DMRT1: variants seen among roughly 807,000 people sequenced by gnomAD.
DMRT1 encodes the protein doublesex- and mab-3-related transcription factor 1.
Under a neutral mutation model 32.3 loss-of-function variants are expected in DMRT1, and 7 were observed. The ratio of observed to expected loss-of-function variants is 0.22; its 90% CI spans 0.12 to 0.41. DMRT1 has a LOEUF of 0.41. Among genes scored for constraint, DMRT1 ranks in the 10% least tolerant of loss-of-function variants. DMRT1 has a pLI of 1.00. For synonymous variants in DMRT1, 278 were observed against 206.1 expected, an observed-to-expected ratio of 1.35 and a Z score of -2.99; for missense variants, 625 against 500.5, an observed-to-expected ratio of 1.25 and a Z score of -2.37.
chr9:886,635 T>C (rs914460567), intron 2 of DMRT1, among the ~76,000 whole-genome samples: 11 of 152,128 alleles, frequency 7.2e-5, no homozygotes, highest in African/African-American at 2.4e-4. Context: ...AGCTTATTAA[T>C]TGTATGTGGA....
chr9:948,721 C>T (rs960928233), intron 4 of DMRT1, among the ~76,000 whole-genome samples: 2 of 152,018 alleles, frequency 1.3e-5, no homozygotes, highest in Non-Finnish European at 2.9e-5. Context: ...CAACACTTTA[C>T]TCCACCCAAT....
chr9:843,455 T>A (rs889373872), intron 1 of DMRT1, among the ~76,000 whole-genome samples: 6 of 152,252 alleles, frequency 3.9e-5, no homozygotes, highest in African/African-American at 1.2e-4. Context: ...ACTTTGAAGA[T>A]GTTTTAAAGC....
chr9:853,399 T>A (rs940369910), intron 2 of DMRT1, among the ~76,000 whole-genome samples: 10 of 152,162 alleles, frequency 6.6e-5, no homozygotes, highest in Non-Finnish European at 1.3e-4. Flanking sequence ...GTTATTTAAA[T>A]TTAAGATAAC....
chr9:869,546 A>G (rs1269295821), intron 2 of DMRT1, among the ~76,000 whole-genome samples: 1 of 152,102 alleles, frequency 6.6e-6, no homozygotes, highest in Admixed American at 6.6e-5. Flanking sequence ...CTTTTACTGT[A>G]AACTGTAATG....
chr9:931,560 G>C (rs1464053319), intron 4 of DMRT1, among the ~76,000 whole-genome samples: 1 of 152,184 alleles, frequency 6.6e-6, no homozygotes, highest in East Asian at 1.9e-4. Flanking sequence ...CTGGAGGCTG[G>C]AAGTCCAAGA....
intron 4 of DMRT1, among the ~76,000 whole-genome samples, chr9:917,193 T>G (rs967275955): frequency 6.6e-6 from 1 of 152,208 alleles, no homozygotes; most frequent in Non-Finnish European, 1.5e-5. Flanking sequence ...AGGATCAATA[T>G]GAAATACAGG....
chr9:851,350 C>A (rs963841930), intron 2 of DMRT1, among the ~76,000 whole-genome samples: 13 of 152,090 alleles, frequency 8.5e-5, no homozygotes, highest in Non-Finnish European at 1.8e-4. Flanking sequence ...ACGATTCTCT[C>A]ACCTCAGCCT....
At position 916,831 on chromosome 9, in the gene DMRT1, C is replaced by G; in HGVS notation, c.891C>G (p.Pro297=). 1 of 1,614,222 alleles carries G rather than the reference C, an allele frequency of 6.2e-7. No homozygotes were observed. The highest frequency in any genetic ancestry group is 8.5e-7 in the Non-Finnish European group (1 of 1,180,034). Reference sequence around the variant, plus strand: ...GGATGCATTCTTACTACCCGCCTCCCTCTTACCTGGGCCAGAGCGTGCCCC... The same window carrying G: ...GGATGCATTCTTACTACCCGCCTCCGTCTTACCTGGGCCAGAGCGTGCCCC... ...QYRMHSYYPP[P]SYLGQSVPQF... is the part of the protein sequence containing the mutation. The change falls in exon 4 of 5, where the codon CCC becomes CCG. Residue 297 remains proline (P), a synonymous_variant. Coordinates refer to ENST00000382276, the MANE Select transcript of DMRT1 (RefSeq NM_021951.3).
intron 2 of DMRT1, among the ~76,000 whole-genome samples, chr9:852,104 A>G (rs563532348): frequency 7.2e-5 from 11 of 151,734 alleles, no homozygotes; most frequent in African/African-American, 2.7e-4. Context: ...CACCCGTTTA[A>G]TTTTTGTATT....
chr9:922,791 G>A (rs1234624646), intron 4 of DMRT1, among the ~76,000 whole-genome samples: 1 of 152,126 alleles, frequency 6.6e-6, no homozygotes, highest in Non-Finnish European at 1.5e-5. Context: ...CATTTAAGGT[G>A]GTGCTTACAG....
Position 862,427 on chromosome 9 carries a change from C to T in DMRT1, c.538+15284C>T, listed in dbSNP as rs548496510. Reference sequence around the variant, plus strand: ...GAGGCAGGAGAATCAGGCAGGGAGGCTGCAGTGAGCCGAGATGGCGGCAGC... The same window carrying T: ...GAGGCAGGAGAATCAGGCAGGGAGGTTGCAGTGAGCCGAGATGGCGGCAGC... On this transcript the variant is annotated intron_variant, in intron 2 of 4. Transcript: ENST00000382276. Among the ~76,000 whole-genome samples, 838 of 147,908 alleles carry T rather than the reference C, an allele frequency of 5.7e-3. 9 individuals are homozygous for T. The highest frequency in any genetic ancestry group is 0.019 in the African/African-American group (774 of 40,372).
At chr9:886,943 C>T (rs12352056) in intron 2 of DMRT1, among the ~76,000 whole-genome samples, 1 of 152,156 alleles carries the variant, frequency 6.6e-6, no homozygotes, top group Non-Finnish European at 1.5e-5. Flanking sequence ...CCTTCTGAAG[C>T]TGCTTATTCT....
chr9:954,904 T>A (rs1586661423), intron 4 of DMRT1, among the ~76,000 whole-genome samples: 1 of 152,262 alleles, frequency 6.6e-6, no homozygotes, highest in South Asian at 2.1e-4. Context: ...CCTCCCAAAG[T>A]GCTGGGATTA....
intron 2 of DMRT1, among the ~76,000 whole-genome samples, chr9:893,218 T>C (rs1817220781): frequency 6.6e-6 from 1 of 152,236 alleles, no homozygotes; most frequent in African/African-American, 2.4e-5. Flanking sequence ...GACTTAGGAA[T>C]TCATTTATTG....
chr9:899,120 A>G (rs1817478638), intron 3 of DMRT1, among the ~76,000 whole-genome samples: 1 of 152,006 alleles, frequency 6.6e-6, no homozygotes, highest in Non-Finnish European at 1.5e-5. Flanking sequence ...CTGTAGGATA[A>G]CTCCTTTCTG....
intron 2 of DMRT1, among the ~76,000 whole-genome samples, chr9:878,164 G>T (rs890393593): frequency 2.0e-5 from 3 of 149,920 alleles, no homozygotes; most frequent in Non-Finnish European, 4.4e-5. Context: ...TAACTTTATA[G>T]CAAGCTAAAA....
chr9:927,666 A>G (rs1442008559), intron 4 of DMRT1, among the ~76,000 whole-genome samples: 2 of 152,236 alleles, frequency 1.3e-5, no homozygotes, highest in Non-Finnish European at 2.9e-5. Flanking sequence ...GGGGTATACA[A>G]TAGATGCTGA....
chr9:881,976 G>A (rs1211322481), intron 2 of DMRT1, among the ~76,000 whole-genome samples: 5 of 152,190 alleles, frequency 3.3e-5, no homozygotes, highest in Non-Finnish European at 7.3e-5. Flanking sequence ...CGTGAGACAG[G>A]CTTTCATGGC....
intron 3 of DMRT1, among the ~76,000 whole-genome samples, chr9:899,425 T>TA (rs1350548190): frequency 6.6e-6 from 1 of 152,108 alleles, no homozygotes; most frequent in African/African-American, 2.4e-5. Context: ...CAAACCTCCT[T>TA]AAAAAATAGA....
Sources: gnomAD v4.1 joint callset for allele counts (sites outside exome capture counted in the v4.1 genomes callset) on GRCh38, gnomAD v4.1.1 for gene constraint, MANE v1.5 for transcripts, NCBI Gene and HGNC (gene_info 2026-07-23, HGNC 2026-07-21) for gene names.